The following BZW2 variants were observed in gnomAD, a reference collection of about 807,000 sequenced individuals.
The protein encoded by BZW2 is eIF5-mimic protein 1.
BZW2 carries 23 observed loss-of-function variants against 53.2 expected under a neutral mutation model. That is an observed-to-expected ratio of 0.43 (90% CI 0.31 to 0.61). The LOEUF (loss-of-function observed/expected upper bound fraction) is 0.61. Among genes scored for constraint, BZW2 ranks in the 20% least tolerant of loss-of-function variants. BZW2 has a pLI of 0.09. For synonymous variants in BZW2, 227 were observed against 186.4 expected, an observed-to-expected ratio of 1.22 and a Z score of -1.77; for missense variants, 409 against 503.1, an observed-to-expected ratio of 0.81 and a Z score of 1.79.
At chr7:16,656,554 C>T (rs1273834825) in intron 1 of BZW2, among the ~76,000 whole-genome samples, 3 of 110,676 alleles carry the variant, frequency 2.7e-5, no homozygotes, top group Admixed American at 1.1e-4. Context: ...AGCGCGCGCG[C>T]GCACACACAC....
At chr7:16,677,547 G>A (rs1782804289) in intron 3 of BZW2, among the ~76,000 whole-genome samples, 1 of 152,202 alleles carries the variant, frequency 6.6e-6, no homozygotes, top group Admixed American at 6.5e-5. Context: ...ATTGGAGCAT[G>A]GGCTAGCAGG....
At chr7:16,694,169 A>G (rs570744743) in intron 7 of BZW2, among the ~76,000 whole-genome samples, 2 of 152,340 alleles carry the variant, frequency 1.3e-5, no homozygotes, top group Admixed American at 1.3e-4. Flanking sequence ...AGGTGAAAAT[A>G]TGAGAGCAGC....
intron 7 of BZW2, among the ~76,000 whole-genome samples, chr7:16,693,732 G>A (rs1487788036): frequency 3.9e-5 from 6 of 152,226 alleles, no homozygotes; most frequent in East Asian, 3.8e-4. Context: ...AAATATCAGT[G>A]ACGCAGTTTC....
chr7:16,672,370 TTCTGAAAGATAATCTTAGGTTTC>T (rs1782627999), intron 2 of BZW2, among the ~76,000 whole-genome samples: 1 of 152,158 alleles, frequency 6.6e-6, no homozygotes, highest in Non-Finnish European at 1.5e-5. Flanking sequence ...TTTTTCTATT[TTCTGAAAGATAATCTTAGGTTTC>T]TCTTAATGCT....
At chr7:16,674,610 C>A in intron 3 of BZW2, 22 bp downstream of exon 3, 16 of 1,517,878 alleles carry the variant, frequency 1.1e-5, no homozygotes, top group Non-Finnish European at 1.4e-5. Context: ...ATTATCGCTT[C>A]TTGTAGTATA....
At chr7:16,689,444 T>C (rs993090243) in intron 6 of BZW2, among the ~76,000 whole-genome samples, 15 of 152,066 alleles carry the variant, frequency 9.9e-5, no homozygotes, top group Non-Finnish European at 1.6e-4. Flanking sequence ...ATCACTGTTA[T>C]AAAGATGAAA....
chr7:16,651,807 ACTCTTTG>A (rs1370025818), intron 1 of BZW2, among the ~76,000 whole-genome samples: 2 of 152,098 alleles, frequency 1.3e-5, no homozygotes, highest in Non-Finnish European at 2.9e-5. Context: ...TCTATGGAGA[ACTCTTTG>A]GTATTTTGGA....
At chr7:16,692,139 G>C (rs1306868738) in intron 7 of BZW2, among the ~76,000 whole-genome samples, 6 of 152,116 alleles carry the variant, frequency 3.9e-5, no homozygotes, top group Non-Finnish European at 5.9e-5. Context: ...TTTAGGAAAA[G>C]TTGTGTATTA....
intron 3 of BZW2, among the ~76,000 whole-genome samples, chr7:16,679,785 A>G (rs1583727651): frequency 6.6e-6 from 1 of 152,368 alleles, no homozygotes; most frequent in East Asian, 1.9e-4. Flanking sequence ...TATATACACT[A>G]GAAACATTTG....
At chr7:16,658,561 A>G (rs911456999) in intron 1 of BZW2, among the ~76,000 whole-genome samples, 14 of 152,096 alleles carry the variant, frequency 9.2e-5, no homozygotes, top group African/African-American at 3.4e-4. Flanking sequence ...ATAAGGTCAA[A>G]TGCTCTTTTT....
At chr7:16,702,224 T>A (rs1242758596) in intron 10 of BZW2, among the ~76,000 whole-genome samples, 2 of 152,174 alleles carry the variant, frequency 1.3e-5, no homozygotes, top group Admixed American at 1.3e-4. Context: ...AGGAGTTCCT[T>A]CCTTTTCAGA....
chr7:16,692,880 G>A (rs1036714603), intron 7 of BZW2, among the ~76,000 whole-genome samples: 6 of 152,196 alleles, frequency 3.9e-5, no homozygotes, highest in Admixed American at 2.0e-4. Context: ...AAAGACTTGA[G>A]GGAGGTGTGG....
chr7:16,688,239 G>A (rs1164142784), intron 6 of BZW2, among the ~76,000 whole-genome samples: 1 of 152,144 alleles, frequency 6.6e-6, no homozygotes, highest in Non-Finnish European at 1.5e-5. Context: ...GTATCATTCA[G>A]GACTTAAGTA....
chr7:16,676,385 C>A (rs776046064), intron 3 of BZW2, among the ~76,000 whole-genome samples: 8 of 151,902 alleles, frequency 5.3e-5, no homozygotes, highest in Non-Finnish European at 1.0e-4. Flanking sequence ...CCTGTCTCTA[C>A]TAAAAATACC....
intron 1 of BZW2, among the ~76,000 whole-genome samples, 175 bp from the exon 2 acceptor site, chr7:16,665,262 C>T (rs1782386888): frequency 6.6e-6 from 1 of 151,676 alleles, no homozygotes; most frequent in Non-Finnish European, 1.5e-5. Context: ...GCTGAGATCA[C>T]ACCACTGCAC....
At chr7:16,674,711 G>C in intron 3 of BZW2, 123 bp downstream of exon 3, 2 of 890,616 alleles carry the variant, frequency 2.2e-6, no homozygotes, top group Non-Finnish European at 3.1e-6. Context: ...AATACAAATG[G>C]AAGCCTATAA....
In BZW2 at chr7:16,698,050, A is replaced by T; in HGVS notation, c.972A>T (p.Gln324His). Reference sequence around the variant, plus strand: ...TTTACTCTCCACTTCTGTTCTAGCAATATGCTCCCCTGCTGGCCGTGTTCA... The same window carrying T: ...TTTACTCTCCACTTCTGTTCTAGCATTATGCTCCCCTGCTGGCCGTGTTCA... ...VAEQALKHLK[Q>H]YAPLLAVFSS... Residue 324 changes from glutamine (Q) to histidine (H), a missense_variant and splice_region_variant, in exon 10 of 12, where the codon CAA becomes CAT. Coordinates refer to ENST00000258761, the MANE Select transcript of BZW2 (RefSeq NM_014038.3). 6.2e-7 allele frequency: 1 copy of T among 1,614,060 alleles called. No individual in the cohort carries two copies. Among genetic ancestry groups the T allele is most frequent in the South Asian group, 1.1e-5 (1 of 91,076 alleles).
At chr7:16,681,109 CAAA>C (rs1050160532) in intron 3 of BZW2, among the ~76,000 whole-genome samples, 189 bp from the exon 4 acceptor site, 6 of 151,022 alleles carry the variant, frequency 4.0e-5, no homozygotes, top group African/African-American at 9.7e-5. Flanking sequence ...GACTCCATCT[CAAA>C]AAAAAGGAAA....
chr7:16,704,915 G>T lies in BZW2; in HGVS notation c.1231+246G>T, dbSNP rs1000116058. ...TATCCACTCTGATGGAGGACAATAAGGAAGAAATGATTAGTAGATGTGAAA... is the reference window on the plus strand; with the variant it reads ...TATCCACTCTGATGGAGGACAATAATGAAGAAATGATTAGTAGATGTGAAA... On this transcript the variant is annotated intron_variant, in intron 11 of 11. Coordinates refer to ENST00000258761, the MANE Select transcript of BZW2 (RefSeq NM_014038.3). Among the ~76,000 whole-genome samples the T allele has an allele frequency of 3.3e-5, 5 of 152,148 alleles. No individual in the cohort carries two copies. In the East Asian group the frequency reaches 9.6e-4, roughly 29 times the overall value.
Sources: gnomAD v4.1 joint callset for allele counts (sites outside exome capture counted in the v4.1 genomes callset) on GRCh38, gnomAD v4.1.1 for gene constraint, MANE v1.5 for transcripts, NCBI Gene and HGNC (gene_info 2026-07-23, HGNC 2026-07-21) for gene names.